The following FCN2 variants were observed in gnomAD, a reference collection of about 807,000 sequenced individuals.
FCN2 encodes the protein ficolin-2.
A neutral mutation model predicts 32.5 loss-of-function variants in FCN2; 31 were observed. The ratio of observed to expected loss-of-function variants is 0.96; its 90% CI spans 0.72 to 1.29. The LOEUF is 1.29. FCN2 is among the 50% of genes most tolerant of loss of function. The pLI, the probability that FCN2 is intolerant of heterozygous loss-of-function variation, is 0.00. For missense variants in FCN2, 412 were observed against 406.5 expected, an observed-to-expected ratio of 1.01 and a Z score of -0.12; for synonymous variants, 181 against 164.5, an observed-to-expected ratio of 1.10 and a Z score of -0.77.
chr9:134,874,999 G>A, the FCN2 span, among the ~76,000 whole-genome samples: 4 of 151,826 alleles, frequency 2.6e-5, no homozygotes, highest in Non-Finnish European at 5.9e-5. Context: ...ATTATTCATT[G>A]GTGATTTGAA....
chr9:134,880,698 C>A, upstream of FCN2: 2 of 778,696 alleles, frequency 2.6e-6, no homozygotes, highest in Admixed American at 2.0e-5. Flanking sequence ...CTCCTGCTGG[C>A]GTCACCAAGC....
intron 3 of FCN2, among the ~76,000 whole-genome samples, chr9:134,884,151 T>G (rs1318118608): frequency 1.3e-5 from 2 of 152,140 alleles, no homozygotes; most frequent in Non-Finnish European, 2.9e-5. Flanking sequence ...TTAGTGGAAA[T>G]TCTCTGCTTT....
At chr9:134,886,665 C>T (rs1217153827) in intron 7 of FCN2, 101 bp downstream of exon 7, 3 of 1,386,080 alleles carry the variant, frequency 2.2e-6, no homozygotes, top group African/African-American at 2.8e-5. Context: ...GAAGAGGCCT[C>T]ACCTCTCTGA....
At chr9:134,873,885 TTG>T in the FCN2 span, among the ~76,000 whole-genome samples, 123,037 of 148,632 alleles carry the variant, frequency 0.83, 51,092 homozygotes, top group East Asian at 0.98. Flanking sequence ...GTTTGTTTGT[TTG>T]TTTTGTTTTT....
chr9:134,873,599 C>T, the FCN2 span, among the ~76,000 whole-genome samples: 125,209 of 152,236 alleles, frequency 0.82, 51,546 homozygotes, highest in African/African-American at 0.87. Context: ...TTGCCATGTA[C>T]GGTTGATGGC....
rs576568544 is a variant in FCN2, at chr9:134,886,910, C to T, written c.695-258C>T. Among the ~76,000 whole-genome samples, 7 of 152,296 alleles carry T rather than the reference C, an allele frequency of 4.6e-5. No homozygotes were observed. In the South Asian group the frequency reaches 1.0e-3, roughly 23 times the overall value. On this transcript the variant is annotated intron_variant, in intron 7 of 7. Transcript: ENST00000291744. ...GAGTAGAGAATGATGATCCTGACCC[C>T]TGCCTCCTGTTCTTCTGTGAAATAA... is the stretch of plus-strand genomic sequence containing the variant.
In FCN2 at chr9:134,883,382, G is replaced by A. The variant is rs754205921; in HGVS notation, c.268+27G>A. 2.7e-5 allele frequency: 43 copies of A among 1,600,830 alleles called. No individual in the cohort carries two copies. In the Admixed American group the frequency reaches 2.8e-4, roughly 11 times the overall value. ...TAAGGAGGGGACAAGAGTGAGAAGC[G>A]GCTTCAAGGCCCTTCCAGACCTGGC... On this transcript the variant is annotated intron_variant, in intron 3 of 7. Transcript: ENST00000291744.
the FCN2 span, among the ~76,000 whole-genome samples, chr9:134,873,366 T>C: frequency 6.6e-6 from 1 of 152,238 alleles, no homozygotes; most frequent in Admixed American, 6.5e-5. Flanking sequence ...TGCTTCGTTG[T>C]CTTTTCCAGC....
At chr9:134,883,486 T>G (rs1564206996) in intron 3 of FCN2, 131 bp downstream of exon 3, 1 of 823,370 alleles carries the variant, frequency 1.2e-6, no homozygotes, top group East Asian at 2.6e-5. Context: ...GGCAGGGCTC[T>G]TGGGGCTTAG....
chr9:134,886,112 G>T, intron 6 of FCN2, among the ~76,000 whole-genome samples: 1 of 152,178 alleles, frequency 6.6e-6, no homozygotes, highest in South Asian at 2.1e-4. Context: ...TGGGATGAAG[G>T]CCTCTTCAGG....
intron 1 of FCN2, 133 bp downstream of exon 1, chr9:134,881,054 T>C: frequency 1.4e-6 from 1 of 715,758 alleles, no homozygotes; most frequent in Non-Finnish European, 2.5e-6. Context: ...ACAGCAGCTC[T>C]GCATGCCTCA....
chr9:134,885,474 C>G, intron 5 of FCN2, 108 bp downstream of exon 5: 2 of 1,515,220 alleles, frequency 1.3e-6, no homozygotes, highest in South Asian at 2.4e-5. Context: ...TGGTCGGGGA[C>G]AGTCAGAGAT....
the FCN2 span, among the ~76,000 whole-genome samples, chr9:134,865,271 T>C: frequency 6.6e-6 from 1 of 152,198 alleles, no homozygotes; most frequent in Non-Finnish European, 1.5e-5. Context: ...AGCTCCACCT[T>C]CTGGGGGAGG....
Position 134,883,355 on chromosome 9 carries a change from G to C in FCN2, c.268G>C (p.Gly90Arg). Residue 90 changes from glycine to arginine, a missense_variant and splice_region_variant, in exon 3 of 8, where the codon GGA becomes CGA. Coordinates refer to ENST00000291744, the MANE Select transcript of FCN2 (RefSeq NM_004108.3). ...PGKAGPPGPN[G>R]APGEPQPCLT... Reference sequence around the variant, plus strand: ...GAAGGCAGGACCACCTGGGCCCAACGGTAAGGAGGGGACAAGAGTGAGAAG... The same window carrying C: ...GAAGGCAGGACCACCTGGGCCCAACCGTAAGGAGGGGACAAGAGTGAGAAG... 1.2e-6 allele frequency: 2 copies of C among 1,613,266 alleles called. No homozygotes were observed. Among genetic ancestry groups the C allele is most frequent in the Non-Finnish European group, 1.7e-6 (2 of 1,179,310 alleles).
At chr9:134,877,834 G>T (rs1422707787), upstream of FCN2, among the ~76,000 whole-genome samples, 3 of 152,200 alleles carry the variant, frequency 2.0e-5, no homozygotes, top group East Asian at 5.8e-4. Flanking sequence ...CTGGAAGGGG[G>T]ATGTGATGGT....
chr9:134,870,474 G>A, the FCN2 span, among the ~76,000 whole-genome samples: 227 of 152,262 alleles, frequency 1.5e-3, no homozygotes, highest in African/African-American at 5.3e-3. This position sits in a 1 kb window ranked among gnomAD's most constrained non-coding sequence, Gnocchi z 4.3. Flanking sequence ...GAGTTCAGCT[G>A]TGCCCCTCGG....
upstream of FCN2, among the ~76,000 whole-genome samples, chr9:134,878,191 A>G (rs2132991963): frequency 6.6e-6 from 1 of 152,192 alleles, no homozygotes; most frequent in East Asian, 1.9e-4. Flanking sequence ...GTAAGTTAAT[A>G]CTTAATAAAC....
chr9:134,867,069 G>C, the FCN2 span, among the ~76,000 whole-genome samples: 1 of 125,524 alleles, frequency 8.0e-6, no homozygotes, highest in South Asian at 3.1e-4. Context: ...AACCATTGTG[G>C]AAGTCAGTGT....
chr9:134,870,452 C>A, the FCN2 span, among the ~76,000 whole-genome samples: 1 of 152,168 alleles, frequency 6.6e-6, no homozygotes, highest in African/African-American at 2.4e-5. This position sits in a 1 kb window ranked among gnomAD's most constrained non-coding sequence, Gnocchi z 4.3. Context: ...GCACCTTCAC[C>A]ACCTGGCCTC....
Sources: gnomAD v4.1 joint callset for allele counts (sites outside exome capture counted in the v4.1 genomes callset) on GRCh38, gnomAD v4.1.1 for gene constraint, Gnocchi (gnomAD v3.1) non-coding constraint, MANE v1.5 for transcripts, NCBI Gene and HGNC (gene_info 2026-07-23, HGNC 2026-07-21) for gene names.